Variants in NBAS observed in about 807,000 individuals in gnomAD.
NBAS encodes the protein NBAS subunit of NRZ tethering complex.
In NBAS, 219 loss-of-function variants were observed where a neutral mutation model predicts 302.5. The ratio of observed to expected loss-of-function variants is 0.72; its 90% CI spans 0.65 to 0.81. The LOEUF (loss-of-function observed/expected upper bound fraction) is 0.81. Ranked by LOEUF, NBAS falls within the 30% of genes least tolerant of loss-of-function variation. NBAS has a pLI of 0.00. For missense variants in NBAS, 2,932 were observed against 2,841.6 expected, an observed-to-expected ratio of 1.03 and a Z score of -0.72; for synonymous variants, 1,118 against 1,021.6, an observed-to-expected ratio of 1.09 and a Z score of -1.80.
At chr2:15,320,068 C>A (rs1228320716) in intron 38 of NBAS, among the ~76,000 whole-genome samples, 1 of 152,174 alleles carries the variant, frequency 6.6e-6, no homozygotes, top group African/African-American at 2.4e-5. Flanking sequence ...TAGGCTTCAT[C>A]CCTGGCATGC....
At chr2:14,925,384 C>T in the NBAS span, among the ~76,000 whole-genome samples, 1 of 152,190 alleles carries the variant, frequency 6.6e-6, no homozygotes, top group African/African-American at 2.4e-5. Flanking sequence ...CTCGAGCTCA[C>T]TTCACCTTGA....
chr2:15,368,911 C>T (rs1674351950), intron 31 of NBAS, among the ~76,000 whole-genome samples: 1 of 152,176 alleles, frequency 6.6e-6, no homozygotes, highest in African/African-American at 2.4e-5. Context: ...AGGAATAAGC[C>T]TGTTATCACA....
At chr2:14,994,237 A>G in the NBAS span, among the ~76,000 whole-genome samples, 1 of 152,248 alleles carries the variant, frequency 6.6e-6, no homozygotes, top group South Asian at 2.1e-4. Context: ...ACCGATTGCC[A>G]TAAACAAATG....
intron 35 of NBAS, among the ~76,000 whole-genome samples, chr2:15,346,287 A>G (rs1673084626): frequency 6.6e-6 from 1 of 152,180 alleles, no homozygotes; most frequent in Admixed American, 6.5e-5. Context: ...CAGAATTTAC[A>G]AGAAACTTAA....
At chr2:14,997,111 T>C in the NBAS span, among the ~76,000 whole-genome samples, 5 of 151,844 alleles carry the variant, frequency 3.3e-5, no homozygotes, top group African/African-American at 9.7e-5. Flanking sequence ...GATGAGAACT[T>C]ATGGATAAAG....
chr2:15,386,929 T>C (rs888945807), intron 28 of NBAS, among the ~76,000 whole-genome samples: 17 of 152,044 alleles, frequency 1.1e-4, no homozygotes, highest in South Asian at 2.1e-4. Context: ...ATTGAGTGTG[T>C]CCCCCTCTGG....
intron 6 of NBAS, among the ~76,000 whole-genome samples, chr2:15,549,727 CA>C (rs1280738642): frequency 6.6e-6 from 1 of 151,442 alleles, no homozygotes; most frequent in East Asian, 1.9e-4. Context: ...GACCCTGTCT[CA>C]AAAAAATAAA....
chr2:14,961,698 G>T, the NBAS span, among the ~76,000 whole-genome samples: 1 of 152,118 alleles, frequency 6.6e-6, no homozygotes, highest in East Asian at 1.9e-4. Flanking sequence ...TCTGACACAG[G>T]TACTATTATT....
At chr2:15,226,288 TTTTG>T (rs1479976201) in intron 47 of NBAS, among the ~76,000 whole-genome samples, 7 of 152,338 alleles carry the variant, frequency 4.6e-5, no homozygotes, top group East Asian at 1.9e-4. Flanking sequence ...CATTAGGATT[TTTTG>T]TTTGTTTCCT....
At chr2:15,218,722 C>T (rs1324253078) in intron 48 of NBAS, 51 bp downstream of exon 48, 1 of 1,612,402 alleles carries the variant, frequency 6.2e-7, no homozygotes, top group Non-Finnish European at 8.5e-7. Context: ...GCAACCGCGT[C>T]CGGCCTAATT....
At chr2:15,215,325 A>G (rs1666605275) in intron 48 of NBAS, among the ~76,000 whole-genome samples, 1 of 152,208 alleles carries the variant, frequency 6.6e-6, no homozygotes, top group East Asian at 1.9e-4. Context: ...CAAGAACCAG[A>G]GACTCTGTGT....
intron 42 of NBAS, among the ~76,000 whole-genome samples, chr2:15,282,340 C>T (rs926111331): frequency 6.6e-6 from 1 of 152,160 alleles, no homozygotes; most frequent in Non-Finnish European, 1.5e-5. Flanking sequence ...GCAACCCGGA[C>T]ACAAACCTAT....
At chr2:14,781,566 G>C in the NBAS span, among the ~76,000 whole-genome samples, 1 of 151,992 alleles carries the variant, frequency 6.6e-6, no homozygotes, top group Non-Finnish European at 1.5e-5. Flanking sequence ...CAAAGGCAAG[G>C]CTGCAGCAGC....
At chr2:15,533,679 C>CGT (rs59222907) in intron 9 of NBAS, among the ~76,000 whole-genome samples, 2,037 of 143,938 alleles carry the variant, frequency 0.014, 36 homozygotes, top group East Asian at 0.08. Flanking sequence ...GGGGGGTGTG[C>CGT]GTGTGTGTGT....
At chr2:15,293,881 G>A (rs750676287) in intron 40 of NBAS, among the ~76,000 whole-genome samples, 3 of 148,128 alleles carry the variant, frequency 2.0e-5, no homozygotes, top group East Asian at 4.1e-4. Context: ...CTGGCATGTG[G>A]ATTTGAGTAA....
chr2:15,314,166 C>G (rs902597739), intron 38 of NBAS, among the ~76,000 whole-genome samples: 22 of 152,222 alleles, frequency 1.4e-4, no homozygotes, highest in South Asian at 4.1e-4. Flanking sequence ...CCAGCCTGGT[C>G]AAGATGGTGA....
intron 48 of NBAS, among the ~76,000 whole-genome samples, chr2:15,200,404 A>T (rs1280103681): frequency 6.6e-6 from 1 of 152,092 alleles, no homozygotes; most frequent in Non-Finnish European, 1.5e-5. Context: ...GAAAATAAAC[A>T]AAATAAACTA....
chr2:14,834,795 A>G, the NBAS span, among the ~76,000 whole-genome samples: 1 of 152,064 alleles, frequency 6.6e-6, no homozygotes, highest in Non-Finnish European at 1.5e-5. Context: ...GTTAAGAATG[A>G]TTTCTGTAAG....
At chr2:15,318,641 A>G (rs1391423945) in intron 38 of NBAS, among the ~76,000 whole-genome samples, 1 of 152,196 alleles carries the variant, frequency 6.6e-6, no homozygotes, top group Non-Finnish European at 1.5e-5. Context: ...CAAAGAGCAA[A>G]AGAGACAGAG....
Sources: gnomAD v4.1 joint callset for allele counts (sites outside exome capture counted in the v4.1 genomes callset) on GRCh38, gnomAD v4.1.1 for gene constraint, MANE v1.5 for transcripts, NCBI Gene and HGNC (gene_info 2026-07-23, HGNC 2026-07-21) for gene names.